Variants in MDGA2 observed in about 807,000 individuals in gnomAD.
MDGA2 encodes MAM domain containing glycosylphosphatidylinositol anchor 2.
In MDGA2, 40 loss-of-function variants were observed where a neutral mutation model predicts 117.8. The ratio of observed to expected loss-of-function variants is 0.34; its 90% confidence interval spans 0.26 to 0.44. The LOEUF (loss-of-function observed/expected upper bound fraction) is 0.44, where lower values mean the gene tolerates loss of function less well. MDGA2 is among the 20% of genes least tolerant of loss of function. The pLI, the probability that MDGA2 is intolerant of heterozygous loss-of-function variation, is 1.00. For missense variants in MDGA2, 1,123 were observed against 1,250.6 expected (o/e 0.90, Z 1.54); for synonymous variants, 452 against 439.0 (o/e 1.03, Z -0.37).
At chr14:47,540,540 G>GTGTGTGTGTGTATATATATATA in intron 1 of MDGA2, among the ~76,000 whole-genome samples, 49 of 79,192 alleles carry the variant, frequency 6.2e-4, no homozygotes, top group Middle Eastern at 6.3e-3. Context: ...GTGTGTGTGT[G>GTGTGTGTGTGTATATATATATA]TATATATATA....
At chr14:47,423,409 T>C (rs1165912855) in intron 1 of MDGA2, among the ~76,000 whole-genome samples, 1 of 152,192 alleles carries the variant, frequency 6.6e-6, no homozygotes, top group African/African-American at 2.4e-5. Flanking sequence ...TACTAGGTGC[T>C]TTACGCGCAC....
chr14:47,169,917 A>T (rs539881490), intron 3 of MDGA2, among the ~76,000 whole-genome samples: 2 of 152,278 alleles, frequency 1.3e-5, no homozygotes, highest in Admixed American at 6.5e-5. Flanking sequence ...GAAAAAAATT[A>T]CCTATATTGT....
chr14:47,282,683 C>T (rs536421573), intron 2 of MDGA2, among the ~76,000 whole-genome samples: 2 of 141,606 alleles, frequency 1.4e-5, no homozygotes, highest in African/African-American at 5.2e-5. Context: ...GGTGACAGAG[C>T]AAGAATGTGT....
At chr14:46,888,602 A>C (rs1882758295) in intron 10 of MDGA2, among the ~76,000 whole-genome samples, 1 of 151,884 alleles carries the variant, frequency 6.6e-6, no homozygotes, top group South Asian at 2.1e-4. Flanking sequence ...AGGAAAAAAC[A>C]TGTTAATTTT....
intron 1 of MDGA2, among the ~76,000 whole-genome samples, chr14:47,464,823 C>T (rs539359369): frequency 4.3e-4 from 65 of 152,024 alleles, no homozygotes; most frequent in Non-Finnish European, 7.8e-4. Flanking sequence ...ACTAGAAAAA[C>T]GATTTTAAAA....
intron 1 of MDGA2, among the ~76,000 whole-genome samples, chr14:47,314,605 G>A (rs1350990801): frequency 6.6e-6 from 1 of 151,934 alleles, no homozygotes; most frequent in Non-Finnish European, 1.5e-5. Context: ...TTGAGTCCAG[G>A]AGGTCGAGGC....
In MDGA2 at chr14:47,326,686, T is replaced by TACAC. The variant is rs34047797; in HGVS notation, c.281-25140_281-25137dup. Among the ~76,000 whole-genome samples the TACAC allele has an allele frequency of 6.0e-3, 891 of 148,332 alleles. 2 individuals are homozygous for TACAC. Among genetic ancestry groups the TACAC allele is most frequent in the African/African-American group, 8.0e-3 (326 of 40,624 alleles). The stretch of plus-strand genomic sequence containing the variant: ...CTACCCTGAAGCCAGTAAGATAGTA[T>TACAC]ACACACACACACACACACACAATTG... On this transcript the variant is annotated intron_variant, in intron 1 of 16. Coordinates refer to ENST00000399232, the MANE Select transcript of MDGA2 (RefSeq NM_001113498.3).
chr14:47,658,441 A>T (rs868488545), intron 1 of MDGA2, among the ~76,000 whole-genome samples: 1 of 152,132 alleles, frequency 6.6e-6, no homozygotes, highest in Non-Finnish European at 1.5e-5. Flanking sequence ...AATGGGTTCT[A>T]GAAGAAGTAG....
At chr14:47,161,779 C>A (rs905617878) in intron 3 of MDGA2, among the ~76,000 whole-genome samples, 1 of 151,768 alleles carries the variant, frequency 6.6e-6, no homozygotes, top group African/African-American at 2.4e-5. Flanking sequence ...CTCCTGCCAA[C>A]CTCAACTCTT....
At chr14:47,540,337 A>G (rs936656129) in intron 1 of MDGA2, among the ~76,000 whole-genome samples, 2 of 151,782 alleles carry the variant, frequency 1.3e-5, no homozygotes, top group Non-Finnish European at 2.9e-5. Flanking sequence ...AAAGTGACTC[A>G]AGTGGTACTT....
chr14:47,303,392 AT>A (rs765184808), intron 1 of MDGA2, among the ~76,000 whole-genome samples: 2 of 152,096 alleles, frequency 1.3e-5, no homozygotes, highest in African/African-American at 2.4e-5. Context: ...TTTATTAAAA[AT>A]TTTCCATCAT....
rs1283351799 is a variant in MDGA2 at position 47,172,941 on chromosome 14, G to A, written c.596-28667C>T. 3.3e-5 allele frequency among the ~76,000 whole-genome samples: 5 copies of A among 152,296 alleles called. No homozygotes were observed. In the South Asian group the frequency reaches 8.3e-4, roughly 25 times the overall value. ...ATGGATAACTAGAATAACCAATACA[G>A]AGAAGTGCTTAAAGGAGCTGATGGA... On this transcript the variant is annotated intron_variant, in intron 3 of 16. Coordinates refer to ENST00000399232, the MANE Select transcript of MDGA2 (RefSeq NM_001113498.3).
intron 3 of MDGA2, among the ~76,000 whole-genome samples, chr14:47,157,736 T>C (rs1248905054): frequency 6.6e-6 from 1 of 151,516 alleles, no homozygotes; most frequent in Non-Finnish European, 1.5e-5. Flanking sequence ...TGGGAAGTAA[T>C]TGAATCATAG....
chr14:47,217,915 A>C (rs1042241710), intron 3 of MDGA2, 106 bp downstream of exon 3: 22 of 896,364 alleles, frequency 2.5e-5, no homozygotes, highest in Non-Finnish European at 3.3e-5. Context: ...CACAGTTTTC[A>C]TTCTCAGCTA....
At chr14:47,558,131 C>T (rs756269066) in intron 1 of MDGA2, among the ~76,000 whole-genome samples, 2 of 152,054 alleles carry the variant, frequency 1.3e-5, no homozygotes, top group African/African-American at 2.4e-5. Context: ...CACCATAATG[C>T]CAGAGCACCT....
intron 10 of MDGA2, among the ~76,000 whole-genome samples, chr14:46,908,204 A>C (rs1883571520): frequency 1.3e-5 from 2 of 152,162 alleles, no homozygotes; most frequent in Admixed American, 6.5e-5. Context: ...TGTAAAACAA[A>C]AGCTATTTGC....
intron 2 of MDGA2, among the ~76,000 whole-genome samples, chr14:47,251,817 T>A (rs2025760): frequency 0.83 from 125,706 of 152,114 alleles, 52,297 homozygotes; most frequent in East Asian, 0.93. Context: ...AAATGCTGTC[T>A]CTGCTTATTA....
intron 2 of MDGA2, among the ~76,000 whole-genome samples, chr14:47,225,795 T>C (rs899043193): frequency 3.3e-5 from 5 of 150,264 alleles, no homozygotes; most frequent in Admixed American, 2.0e-4. Flanking sequence ...ACATGTACCC[T>C]AAAACTTAAA....
intron 10 of MDGA2, among the ~76,000 whole-genome samples, chr14:46,889,488 G>A (rs927177014): frequency 2.6e-5 from 4 of 152,140 alleles, no homozygotes; most frequent in Non-Finnish European, 5.9e-5. Flanking sequence ...TGTGGTATAG[G>A]AGAGAATACT....
Sources: allele counts gnomAD v4.1 joint callset (sites outside exome capture counted in the v4.1 genomes callset), GRCh38; gene constraint gnomAD v4.1.1; transcripts MANE v1.5; gene names NCBI Gene and HGNC (gene_info 2026-07-23, HGNC 2026-07-21).